CSNK2A1: variants seen among roughly 807,000 people sequenced by gnomAD.
The protein encoded by CSNK2A1 is casein kinase II subunit alpha.
CSNK2A1 carries 10 observed loss-of-function variants against 62.9 expected under a neutral mutation model. That is an observed-to-expected ratio of 0.16 (90% CI 0.10 to 0.27). CSNK2A1 has a LOEUF of 0.27. Among genes scored for constraint, CSNK2A1 ranks in the 10% least tolerant of loss-of-function variants. The pLI is 1.00. For synonymous variants in CSNK2A1, 124 were observed against 167.8 expected (o/e 0.74, Z 2.02); for missense variants, 160 against 492.0 (o/e 0.33, Z 6.38).
intron 1 of CSNK2A1, chr20:542,956 C>G (rs1369674589): frequency 6.6e-6 from 1 of 152,376 alleles, no homozygotes; most frequent in Non-Finnish European, 1.5e-5. Context: ...TGTTCCAACA[C>G]TGCAAAAAAC....
chr20:487,420 G>A lies in CSNK2A1; in HGVS notation c.973+7C>T, dbSNP rs371306731. 4 of 1,613,374 alleles carry A rather than the reference G, an allele frequency of 2.5e-6. No homozygotes were observed. The African/African-American group carries it at 5.3e-5, about 22-fold the overall frequency. The stretch of plus-strand genomic sequence containing the variant: ...ACAAACTCTGTGGGCTAGATATCTG[G>A]ACTCACAGAAATAGGGGTGCTCCAT... On this transcript the variant is annotated splice_region_variant and intron_variant, in intron 12 of 13. Coordinates refer to ENST00000217244, the MANE Select transcript of CSNK2A1 (RefSeq NM_177559.3).
intron 3 of CSNK2A1, among the ~76,000 whole-genome samples, chr20:505,725 T>C (rs1269533570): frequency 6.6e-6 from 1 of 151,702 alleles, no homozygotes; most frequent in Non-Finnish European, 1.5e-5. Context: ...ATCCTAGAAT[T>C]AGAAAAACTT....
chr20:490,736 T>C (rs1166070977), intron 9 of CSNK2A1, among the ~76,000 whole-genome samples: 1 of 150,410 alleles, frequency 6.6e-6, no homozygotes, highest in African/African-American at 2.4e-5. Context: ...CACAGGGTCT[T>C]GCTCTGTTGC....
At chr20:524,449 CAAAT>C (rs937609464) in intron 2 of CSNK2A1, among the ~76,000 whole-genome samples, 1 of 142,900 alleles carries the variant, frequency 7.0e-6, no homozygotes, top group Non-Finnish European at 1.5e-5. Context: ...AATTAATAAA[CAAAT>C]AAATAAAAGA....
intron 13 of CSNK2A1, among the ~76,000 whole-genome samples, chr20:484,710 G>A (rs1167926589): frequency 4.6e-5 from 7 of 152,070 alleles, no homozygotes; most frequent in Non-Finnish European, 1.0e-4. Flanking sequence ...GTGTGTGTGT[G>A]TGTGTGTGTG....
At chr20:486,622 A>G (rs1352214494) in intron 12 of CSNK2A1, 160 bp from the exon 13 acceptor site, 1 of 656,966 alleles carries the variant, frequency 1.5e-6, no homozygotes, top group Admixed American at 3.3e-5. Flanking sequence ...CATGAATTAG[A>G]CAAGTGGTAA....
At chr20:542,929 C>T (rs898973521) in intron 1 of CSNK2A1, 3 of 152,510 alleles carry the variant, frequency 2.0e-5, no homozygotes, top group Non-Finnish European at 2.9e-5. Context: ...CCACCCATCA[C>T]CTGCTTAATC....
intron 1 of CSNK2A1, among the ~76,000 whole-genome samples, chr20:532,991 CATATT>C (rs1241561150): frequency 1.3e-5 from 2 of 152,128 alleles, no homozygotes; most frequent in Admixed American, 1.3e-4. Flanking sequence ...TCCTCCACTT[CATATT>C]GATTCTCTTT....
intron 2 of CSNK2A1, among the ~76,000 whole-genome samples, chr20:521,716 G>A (rs2018952906): frequency 6.6e-6 from 1 of 152,190 alleles, no homozygotes; most frequent in Non-Finnish European, 1.5e-5. Context: ...GCAATAAAAA[G>A]GAACAAATTA....
chr20:486,318 G>C, intron 13 of CSNK2A1, 58 bp downstream of exon 13: 1 of 1,597,710 alleles, frequency 6.3e-7, no homozygotes, highest in African/African-American at 1.3e-5. Flanking sequence ...AGACCACAAA[G>C]CTAAGAACAG....
intron 6 of CSNK2A1, chr20:497,991 T>C: frequency 1.0e-5 from 5 of 490,566 alleles, no homozygotes; most frequent in South Asian, 2.3e-5. Context: ...CTTAAACATA[T>C]ATTGCGGAAG....
At chr20:485,150 ATACAT>A (rs761833018) in intron 13 of CSNK2A1, among the ~76,000 whole-genome samples, 96 of 117,210 alleles carry the variant, frequency 8.2e-4, no homozygotes, top group Non-Finnish European at 1.4e-3. Context: ...GAACATTATT[ATACAT>A]TCTTCTCCAC....
intron 1 of CSNK2A1, among the ~76,000 whole-genome samples, chr20:537,176 A>G (rs555874723): frequency 6.6e-6 from 1 of 152,344 alleles, no homozygotes; most frequent in East Asian, 1.9e-4. Context: ...AAAAGAAAAG[A>G]GCAGCCAATA....
At chr20:538,740 T>C (rs1183635722) in intron 1 of CSNK2A1, among the ~76,000 whole-genome samples, 1 of 151,940 alleles carries the variant, frequency 6.6e-6, no homozygotes, top group Non-Finnish European at 1.5e-5. Context: ...AGTTACAAAT[T>C]CACAAAAATG....
chr20:513,886 C>T (rs1038407151), intron 2 of CSNK2A1, among the ~76,000 whole-genome samples: 1 of 152,226 alleles, frequency 6.6e-6, no homozygotes, highest in Non-Finnish European at 1.5e-5. Flanking sequence ...CTTCACCTTA[C>T]TGTCACGCAT....
chr20:500,260 G>A (rs186051469), intron 4 of CSNK2A1: 16 of 232,248 alleles, frequency 6.9e-5, no homozygotes, highest in Admixed American at 2.1e-4. Context: ...TTACAAAGTA[G>A]CAATTTAAAT....
At chr20:535,085 G>A (rs935235475) in intron 1 of CSNK2A1, among the ~76,000 whole-genome samples, 4 of 149,644 alleles carry the variant, frequency 2.7e-5, no homozygotes, top group African/African-American at 9.9e-5. Context: ...GACCAGTGTG[G>A]TGGCTCATGA....
Position 492,361 on chromosome 20 carries a change from G to A in CSNK2A1, c.514C>T (p.Arg172Ter), listed in dbSNP as rs1442904163. Residue 172 changes from arginine to a stop codon, truncating the protein, a stop_gained, in exon 9 of 14, where the codon CGA (arginine) becomes TGA (stop). Coordinates refer to ENST00000217244, the MANE Select transcript of CSNK2A1 (RefSeq NM_177559.3). LOFTEE classifies it high-confidence loss of function. ...TCAGCCAAACCCCAGTCTATTAGTC[G>A]TAGCTGAAAAAGAATAAACCATGAG... is the stretch of plus-strand genomic sequence containing the variant. ...VMIDHEHRKL[R>*]LIDWGLAEFY... 1 of 1,613,856 alleles carries A rather than the reference G, an allele frequency of 6.2e-7. No individual in the cohort carries two copies. The highest frequency in any genetic ancestry group is 1.7e-5 in the Admixed American group (1 of 59,984).
At chr20:504,956 C>G (rs1435764165) in intron 4 of CSNK2A1, 162 bp downstream of exon 4, 1 of 608,772 alleles carries the variant, frequency 1.6e-6, no homozygotes, top group Admixed American at 3.4e-5. Flanking sequence ...CCCGATCTGT[C>G]AAATAAGCAG....
Sources: allele counts gnomAD v4.1 joint callset (sites outside exome capture counted in the v4.1 genomes callset), GRCh38; gene constraint gnomAD v4.1.1; transcripts MANE v1.5; gene names NCBI Gene and HGNC (gene_info 2026-07-23, HGNC 2026-07-21).